Variants in KIF13B observed in about 807,000 individuals in gnomAD.
KIF13B encodes kinesin family member 13B.
KIF13B carries 127 observed loss-of-function variants against 222.0 expected under a neutral mutation model. That is an observed-to-expected ratio of 0.57 (90% CI 0.50 to 0.66). The LOEUF (loss-of-function observed/expected upper bound fraction) is 0.66, where lower values mean the gene tolerates loss of function less well. KIF13B is among the 30% of genes least tolerant of loss of function. The probability of loss-of-function intolerance (pLI) is 0.00; values close to 1 mark genes in which losing one functional copy is unlikely to be tolerated. For synonymous variants in KIF13B, 976 were observed against 919.0 expected (o/e 1.06, Z -1.12); for missense variants, 2,173 against 2,379.0 (o/e 0.91, Z 1.80).
intron 13 of KIF13B, among the ~76,000 whole-genome samples, chr8:29,157,133 A>G (rs1159211128): frequency 6.6e-6 from 1 of 151,872 alleles, no homozygotes; most frequent in Admixed American, 6.6e-5. Context: ...CCCCACCTCC[A>G]TGACTACATC....
intron 35 of KIF13B, 84 bp from the exon 36 acceptor site, chr8:29,099,325 A>G: frequency 1.1e-6 from 1 of 878,880 alleles, no homozygotes; most frequent in Non-Finnish European, 1.8e-6. Flanking sequence ...AAGAAAAAAA[A>G]CTGTTATATA....
chr8:29,072,366 C>G lies in KIF13B; in HGVS notation c.4522-50G>C, dbSNP rs532412791. ...GCTGAGAACAGAAAACTTTCCAACA[C>G]GAACCAAGCAGGCAGCTTTGACTTG... On this transcript the variant is annotated intron_variant, in intron 38 of 39. Transcript: ENST00000524189. The G allele has an allele frequency of 1.4e-5, 18 of 1,268,792 alleles. No homozygotes were observed. The African/African-American group carries it at 2.2e-4, about 15-fold the overall frequency. The allele number at this position is 1,268,792 out of a possible 1,614,324, so 78.6% of individuals were successfully genotyped here. A position where few individuals can be genotyped will look rare whatever the true frequency, so the allele number is the denominator to read the frequency against.
chr8:29,071,810 ATTCCCCTCGGCCCCC>A lies in KIF13B; in HGVS notation c.5013_5027del (p.Gly1672_Asn1676del). 1.3e-6 allele frequency: 2 copies of A among 1,544,608 alleles called. No homozygotes were observed. The highest frequency in any genetic ancestry group is 1.7e-6 in the Non-Finnish European group (2 of 1,146,056). ...GTCCCCCGGCGCCCGGGGCCGGCGC[ATTCCCCTCGGCCCCC>A]GGGGAGCAGCCGGGGTCCCCAGCCA... is the stretch of plus-strand genomic sequence containing the variant. On this transcript the variant is annotated inframe_deletion, in exon 39 of 40. Transcript: ENST00000524189. This position sits in a 1 kb window ranked among gnomAD's most constrained non-coding sequence, Gnocchi z 4.9.
At chr8:29,205,565 A>G (rs561036831) in intron 2 of KIF13B, among the ~76,000 whole-genome samples, 1 of 152,312 alleles carries the variant, frequency 6.6e-6, no homozygotes, top group South Asian at 2.1e-4. Flanking sequence ...TCAGGGCTAT[A>G]TTACAGATTC....
chr8:29,208,571 A>C (rs1814062805), intron 2 of KIF13B, among the ~76,000 whole-genome samples: 2 of 152,204 alleles, frequency 1.3e-5, no homozygotes, highest in Admixed American at 6.5e-5. Context: ...AGTGTGCTAG[A>C]GACAATTTAT....
At chr8:29,213,808 G>A (rs1174216631) in intron 2 of KIF13B, among the ~76,000 whole-genome samples, 1 of 151,594 alleles carries the variant, frequency 6.6e-6, no homozygotes, top group Non-Finnish European at 1.5e-5. Flanking sequence ...AAAAAAAATA[G>A]CCAGGTGTGG....
At chr8:29,151,386 G>T (rs557533646) in intron 14 of KIF13B, among the ~76,000 whole-genome samples, 1 of 152,310 alleles carries the variant, frequency 6.6e-6, no homozygotes, top group Admixed American at 6.5e-5. Flanking sequence ...TGAGATTTTT[G>T]ATGTAGATGA....
rs780397574 is a variant in KIF13B, at chr8:29,147,610, C to A, written c.1814-8G>T. On this transcript the variant is annotated splice_region_variant and splice_polypyrimidine_tract_variant and intron_variant, in intron 16 of 39. Coordinates refer to ENST00000524189, the MANE Select transcript of KIF13B (RefSeq NM_015254.4). ...ATATGGACTGCATCGGATCTAAACACATTTTTAAAAAAGATACATGATCGA... is the reference window on the plus strand; with the variant it reads ...ATATGGACTGCATCGGATCTAAACAAATTTTTAAAAAAGATACATGATCGA... 1 of 1,596,912 alleles carries A rather than the reference C, an allele frequency of 6.3e-7. No individual in the cohort carries two copies. Among genetic ancestry groups the A allele is most frequent in the Non-Finnish European group, 8.6e-7 (1 of 1,167,256 alleles).
intron 1 of KIF13B, among the ~76,000 whole-genome samples, chr8:29,247,259 A>C (rs1472544373): frequency 2.0e-5 from 3 of 152,092 alleles, no homozygotes; most frequent in African/African-American, 7.2e-5. Context: ...ATGGTGGTAC[A>C]TACCTATAGT....
intron 5 of KIF13B, among the ~76,000 whole-genome samples, chr8:29,187,393 C>T (rs755623910): frequency 2.0e-5 from 3 of 151,844 alleles, no homozygotes; most frequent in South Asian, 2.1e-4. Flanking sequence ...TAACCAGGCA[C>T]GGTGGCAGGC....
In KIF13B at chr8:29,072,017, G is replaced by A. The variant is rs2133467346; in HGVS notation, c.4821C>T (p.Ile1607=). 7.7e-7 allele frequency: 1 copy of A among 1,293,200 alleles called. No individual in the cohort carries two copies. Among genetic ancestry groups the A allele is most frequent in the Non-Finnish European group, 9.8e-7 (1 of 1,023,878 alleles). The allele number at this position is 1,293,200 out of a possible 1,614,324, so 80.1% of individuals were successfully genotyped here. Residue 1607 remains isoleucine, a synonymous_variant, in exon 39 of 40, where the codon ATC becomes ATT. Coordinates refer to ENST00000524189, the MANE Select transcript of KIF13B (RefSeq NM_015254.4). ...TAPEAEPEAP[I]SHPPPPTAVP... is the part of the protein sequence containing the mutation. ...CGGCCGTGGGCGGTGGGGGGTGGCT[G>A]ATGGGCGCCTCGGGCTCGGCCTCAG... is the stretch of plus-strand genomic sequence containing the variant.
chr8:29,219,548 G>C (rs1177699234), intron 2 of KIF13B: 1 of 152,108 alleles, frequency 6.6e-6, no homozygotes, highest in African/African-American at 2.4e-5. Flanking sequence ...CTTGAGCCCA[G>C]GAGTTCAAGA....
chr8:29,245,448 A>T lies in KIF13B; in HGVS notation c.56-9T>A, dbSNP rs961748792. On this transcript the variant is annotated splice_polypyrimidine_tract_variant and intron_variant, in intron 1 of 39. Coordinates refer to ENST00000524189, the MANE Select transcript of KIF13B (RefSeq NM_015254.4). ...GGTATGCAAGTCAGTCTCTGTGGAT[A>T]AAAAAACAAGAAAAACAGTCATTTT... is the stretch of plus-strand genomic sequence containing the variant. 14 of 1,549,246 alleles carry T rather than the reference A, an allele frequency of 9.0e-6. No homozygotes were observed. The highest frequency in any genetic ancestry group is 2.1e-5 in the Admixed American group (1 of 48,032).
At chr8:29,146,090 A>G in intron 18 of KIF13B, 2 of 573,282 alleles carry the variant, frequency 3.5e-6, no homozygotes, top group East Asian at 2.8e-5. Context: ...ATTAATCAGA[A>G]AAGACTTCTA....
At chr8:29,236,559 C>G (rs939613544) in intron 2 of KIF13B, among the ~76,000 whole-genome samples, 3 of 151,924 alleles carry the variant, frequency 2.0e-5, no homozygotes, top group African/African-American at 7.3e-5. Flanking sequence ...AAAAGTGGAA[C>G]AAAAGGATTA....
chr8:29,188,404 G>A lies in KIF13B; in HGVS notation c.316+111C>T, dbSNP rs115092067. On this transcript the variant is annotated intron_variant, in intron 5 of 39. Coordinates refer to ENST00000524189, the MANE Select transcript of KIF13B (RefSeq NM_015254.4). ...ACTTTCAACATCTACAGTACTTTCT[G>A]AAAGCAAAAACAACAAGGAATAAAT... The A allele has an allele frequency of 9.1e-4, 572 of 625,308 alleles. 7 individuals are homozygous for A. Among genetic ancestry groups the A allele is most frequent in the African/African-American group, 8.5e-3 (453 of 53,342 alleles). 38.7% of individuals were successfully genotyped at this position (625,308 alleles called of 1,614,324 possible). A position where few individuals can be genotyped will look rare whatever the true frequency, so the allele number is the denominator to read the frequency against.
chr8:29,242,847 T>C (rs1815840864), intron 2 of KIF13B, among the ~76,000 whole-genome samples: 1 of 152,268 alleles, frequency 6.6e-6, no homozygotes, highest in African/African-American at 2.4e-5. Context: ...CTGAGATTAA[T>C]ATTTTATTCA....
Position 29,127,114 on chromosome 8 carries a change from A to T in KIF13B, c.3222+8T>A. ...TTCAAGAAGAACATAACAGGTATAG[A>T]AACTTACATGGAAGGTCTCATGTGT... On this transcript the variant is annotated splice_region_variant and intron_variant, in intron 25 of 39. Transcript: ENST00000524189. The T allele has an allele frequency of 1.2e-6, 2 of 1,613,182 alleles. No individual in the cohort carries two copies. Among genetic ancestry groups the T allele is most frequent in the Non-Finnish European group, 1.7e-6 (2 of 1,179,426 alleles).
At position 29,110,052 on chromosome 8, in the gene KIF13B, C is replaced by T. The variant is rs770257103; in HGVS notation, c.3949G>A (p.Glu1317Lys). The T allele has an allele frequency of 5.6e-5, 87 of 1,563,130 alleles. No homozygotes were observed. In the South Asian group the frequency reaches 6.9e-4, roughly 12 times the overall value. ...GCCATTCTTGCTAATGCTTCCCGTT[C>T]TTCCACTCCCTGGGCATCCTGAGCA... is the stretch of plus-strand genomic sequence containing the variant. ...NIPEDAQGVE[E>K]REALARMAAN... Residue 1317 changes from glutamate to lysine, a missense_variant, in exon 33 of 40, where the codon GAA (glutamate) becomes AAA (lysine). Physicochemically the swap from Glu to Lys is moderately conservative, Grantham distance 56 (BLOSUM62 1). Around this residue, in one of 2 missense-constraint regions of KIF13B, gnomAD observed 1,480 missense variants for 1,722.8 expected, o/e 0.86. Coordinates refer to ENST00000524189, the MANE Select transcript of KIF13B (RefSeq NM_015254.4).
Sources: gnomAD v4.1 joint callset for allele counts (sites outside exome capture counted in the v4.1 genomes callset) on GRCh38, gnomAD v4.1.1 for gene constraint, gnomAD v4.1.1 regional missense constraint, Gnocchi (gnomAD v3.1) non-coding constraint, MANE v1.5 for transcripts, NCBI Gene and HGNC (gene_info 2026-07-23, HGNC 2026-07-21) for gene names.